Variants in ZNF44 observed in about 807,000 individuals in gnomAD.
ZNF44 encodes zinc finger protein 44.
Under a neutral mutation model 11.7 loss-of-function variants are expected in ZNF44, and 9 were observed. The observed-to-expected ratio is 0.77, with a 90% confidence interval of 0.46 to 1.35. The LOEUF (loss-of-function observed/expected upper bound fraction) is 1.35. Ranked by LOEUF, ZNF44 falls within the 40% of genes most tolerant of loss-of-function variation. The probability of loss-of-function intolerance (pLI) is 0.00; values close to 1 mark genes in which losing one functional copy is unlikely to be tolerated. For missense variants in ZNF44, 696 were observed against 743.1 expected (o/e 0.94, Z 0.74); for synonymous variants, 224 against 242.7 (o/e 0.92, Z 0.72).
chr19:12,226,726 T>C (rs916626922), intron 3 of ZNF44, among the ~76,000 whole-genome samples: 3 of 152,212 alleles, frequency 2.0e-5, no homozygotes, highest in Admixed American at 1.3e-4. Flanking sequence ...TCTTGGACTT[T>C]GAAAAGCAAA....
In ZNF44 at chr19:12,251,329, C is replaced by CAAA. The variant is rs58014346; in HGVS notation, c.1913-964_1913-962dup. On this transcript the variant is annotated intron_variant and NMD_transcript_variant, in intron 5 of 7. Coordinates refer to the ZNF44 transcript ENST00000393337. ...TGGGCAACGGAGCGAGACTCTGTCT[C>CAAA]AAAAAAAAAAAAAAATTAGCTGGGT... is the stretch of plus-strand genomic sequence containing the variant. 1.8e-3 allele frequency among the ~76,000 whole-genome samples: 242 copies of CAAA among 132,990 alleles called. 2 individuals are homozygous for CAAA. Among genetic ancestry groups the CAAA allele is most frequent in the Middle Eastern group, 7.6e-3 (2 of 264 alleles). The allele number at this position is 132,990 out of a possible 152,430, so 87.2% of individuals were successfully genotyped here.
intron 1 of ZNF44, chr19:12,285,213 A>C: frequency 2.3e-6 from 1 of 433,024 alleles, no homozygotes. Flanking sequence ...AATAAAGTAA[A>C]TTAAGCCTGA....
chr19:12,253,271 C>A (rs544031471), intron 5 of ZNF44, among the ~76,000 whole-genome samples: 1 of 147,634 alleles, frequency 6.8e-6, no homozygotes, highest in East Asian at 2.0e-4. Context: ...CTCACTGCAA[C>A]CTTCGACTCT....
chr19:12,266,894 C>T (rs1568437524), downstream of ZNF44, among the ~76,000 whole-genome samples: 1 of 152,082 alleles, frequency 6.6e-6, no homozygotes, highest in Non-Finnish European at 1.5e-5. Context: ...TGCCTCAGAG[C>T]AGGAGGGGTG....
At chr19:12,253,883 G>A (rs1312689814) in intron 5 of ZNF44, among the ~76,000 whole-genome samples, 1 of 152,116 alleles carries the variant, frequency 6.6e-6, no homozygotes, top group Non-Finnish European at 1.5e-5. Flanking sequence ...GGAGGCTGAT[G>A]CAGGAGAATC....
chr19:12,274,401 T>C (rs1239737000), intron 3 of ZNF44, among the ~76,000 whole-genome samples: 1 of 150,350 alleles, frequency 6.7e-6, no homozygotes, highest in African/African-American at 2.5e-5. Context: ...GCCTCCCAAG[T>C]AGCTGGGACT....
intron 5 of ZNF44, chr19:12,250,503 C>CT (rs1198187190): frequency 2.5e-5 from 20 of 786,578 alleles, no homozygotes; most frequent in Admixed American, 3.7e-5. Flanking sequence ...TGTCAGAACT[C>CT]TAACTCTTTG....
chr19:12,285,077 G>C, intron 1 of ZNF44: 1 of 666,104 alleles, frequency 1.5e-6, no homozygotes, highest in Non-Finnish European at 2.7e-6. Flanking sequence ...TCTGGAAGGA[G>C]ACTGTATTCA....
intron 1 of ZNF44, among the ~76,000 whole-genome samples, chr19:12,286,989 G>T (rs913587468): frequency 2.0e-5 from 3 of 150,958 alleles, no homozygotes; most frequent in South Asian, 2.1e-4. Flanking sequence ...CAGTAGCCTT[G>T]GGTAATACCC....
At chr19:12,268,131 T>TACACACACACACAC (rs1230538619), downstream of ZNF44, among the ~76,000 whole-genome samples, 5 of 106,700 alleles carry the variant, frequency 4.7e-5, no homozygotes, top group African/African-American at 1.8e-4. Context: ...TTGGTGTTCT[T>TACACACACACACAC]ACACACACAC....
downstream of ZNF44, among the ~76,000 whole-genome samples, chr19:12,268,318 T>TA (rs1382794874): frequency 7.2e-5 from 11 of 152,222 alleles, no homozygotes; most frequent in African/African-American, 2.7e-4. Context: ...TTCTGCAGGT[T>TA]AATATCCAGT....
chr19:12,250,207 C>A lies in ZNF44; in HGVS notation c.*125+35G>T, dbSNP rs1254147247. On this transcript the variant is annotated intron_variant and NMD_transcript_variant, in intron 6 of 7. Transcript: ENST00000393337. ...TCCAAGAAAAAGGTATTCTCTAATTCATTCAACAACATGATGGAATGATTT... is the reference window on the plus strand; with the variant it reads ...TCCAAGAAAAAGGTATTCTCTAATTAATTCAACAACATGATGGAATGATTT... 3.0e-6 allele frequency: 4 copies of A among 1,332,752 alleles called. No individual in the cohort carries two copies. In the African/African-American group the frequency reaches 4.5e-5, roughly 15 times the overall value. 82.6% of individuals were successfully genotyped at this position (1,332,752 alleles called of 1,614,324 possible).
exon 8 of ZNF44, chr19:12,248,389 T>C: frequency 1.5e-6 from 2 of 1,291,078 alleles, no homozygotes; most frequent in Non-Finnish European, 2.0e-6. Context: ...CTGTGTGTTC[T>C]TTTATGTTTT....
chr19:12,255,091 A>C (rs62111275), intron 5 of ZNF44, among the ~76,000 whole-genome samples: 1 of 145,638 alleles, frequency 6.9e-6, no homozygotes, highest in Non-Finnish European at 1.5e-5. Context: ...TCCGTCTCAA[A>C]ACACACACAC....
intron 3 of ZNF44, among the ~76,000 whole-genome samples, chr19:12,274,573 C>CA (rs1967132922): frequency 7.1e-6 from 1 of 141,552 alleles, no homozygotes; most frequent in Non-Finnish European, 1.5e-5. Flanking sequence ...TGCGCCTGGC[C>CA]TTTTTTTTTT....
Position 12,249,334 on chromosome 19 carries a change from G to A in ZNF44, c.*186+644C>T, listed in dbSNP as rs1484393391. Among the ~76,000 whole-genome samples, 31 of 150,910 alleles carry A rather than the reference G, an allele frequency of 2.1e-4. No individual in the cohort carries two copies. The East Asian group carries it at 5.2e-3, about 25-fold the overall frequency. On this transcript the variant is annotated intron_variant and NMD_transcript_variant, in intron 7 of 7. Coordinates refer to the ZNF44 transcript ENST00000393337. ...TCCTGGCTAAACACAGTGAAACCCC[G>A]TCTCTACTAAAAATACAAAAAATTA... is the stretch of plus-strand genomic sequence containing the variant.
upstream of ZNF44, among the ~76,000 whole-genome samples, chr19:12,239,125 T>TG (rs1916511713): frequency 6.6e-6 from 1 of 152,102 alleles, no homozygotes; most frequent in Non-Finnish European, 1.5e-5. Context: ...ACTAAACAGA[T>TG]TTTTTTAGAG....
chr19:12,253,820 A>G (rs1599502574), intron 5 of ZNF44, among the ~76,000 whole-genome samples: 1 of 152,058 alleles, frequency 6.6e-6, no homozygotes, highest in East Asian at 1.9e-4. Context: ...CTCTACTTAA[A>G]ATACAAAAAT....
At chr19:12,257,662 G>A (rs1340116701) in intron 5 of ZNF44, among the ~76,000 whole-genome samples, 12 of 116,750 alleles carry the variant, frequency 1.0e-4, no homozygotes, top group African/African-American at 3.2e-4. Context: ...TTAACCGGGC[G>A]TGGTGGCAGG....
Sources: gnomAD v4.1 joint callset for allele counts (sites outside exome capture counted in the v4.1 genomes callset) on GRCh38, gnomAD v4.1.1 for gene constraint, MANE v1.5 for transcripts, NCBI Gene and HGNC (gene_info 2026-07-23, HGNC 2026-07-21) for gene names.